Variants in RNF144A observed in about 807,000 individuals in gnomAD.
The protein encoded by RNF144A is E3 ubiquitin-protein ligase RNF144A.
Under a neutral mutation model 38.7 loss-of-function variants are expected in RNF144A, and 11 were observed. That is an observed-to-expected ratio of 0.28 (90% confidence interval 0.18 to 0.47). The LOEUF (loss-of-function observed/expected upper bound fraction) is 0.47, where lower values mean the gene tolerates loss of function less well. RNF144A is among the 20% of genes least tolerant of loss of function. The pLI is 0.99. For synonymous variants in RNF144A, 149 were observed against 143.9 expected (o/e 1.04, Z -0.25); for missense variants, 316 against 377.2 (o/e 0.84, Z 1.34).
intron 2 of RNF144A, among the ~76,000 whole-genome samples, chr2:6,969,863 A>G (rs1485496802): frequency 2.6e-5 from 4 of 152,110 alleles, no homozygotes; most frequent in African/African-American, 7.2e-5. Context: ...CCGGGTTCAC[A>G]TCATTCTCCT....
At chr2:7,058,049 C>T (rs913470948) in intron 6 of RNF144A, among the ~76,000 whole-genome samples, 2 of 152,110 alleles carry the variant, frequency 1.3e-5, no homozygotes, top group Non-Finnish European at 1.5e-5. Context: ...ATCCTCACAA[C>T]ATGAAAGAGG....
chr2:6,935,762 T>C (rs1365076655), intron 1 of RNF144A, among the ~76,000 whole-genome samples: 1 of 152,108 alleles, frequency 6.6e-6, no homozygotes, highest in Non-Finnish European at 1.5e-5. Context: ...AGCATGTAGA[T>C]GGGATGGCCT....
chr2:7,066,511 T>C (rs553076672), intron 6 of RNF144A, among the ~76,000 whole-genome samples: 12 of 152,374 alleles, frequency 7.9e-5, no homozygotes, highest in African/African-American at 2.6e-4. Flanking sequence ...TAGAAAACTA[T>C]TAGTAAACAT....
rs1673069747 is a variant in RNF144A, at chr2:7,041,942, C to G, written c.*2182C>G. 2 of 985,280 alleles carry G rather than the reference C, an allele frequency of 2.0e-6. No individual in the cohort carries two copies. The highest frequency in any genetic ancestry group is 2.4e-6 in the Non-Finnish European group (2 of 829,946). 61.0% of individuals were successfully genotyped at this position (985,280 alleles called of 1,614,324 possible). A position where few individuals can be genotyped will look rare whatever the true frequency, so the allele number is the denominator to read the frequency against. ...TGGCCCAGTCATGCACATCTGTAGCCCCAGCCATCCTTGTGCCTTCACCTC... is the reference window on the plus strand; with the variant it reads ...TGGCCCAGTCATGCACATCTGTAGCGCCAGCCATCCTTGTGCCTTCACCTC... On this transcript the variant is annotated 3_prime_UTR_variant, in exon 9 of 9. Coordinates refer to ENST00000320892, the MANE Select transcript of RNF144A (RefSeq NM_014746.6).
At chr2:7,054,784 C>T (rs2103475549) in intron 6 of RNF144A, among the ~76,000 whole-genome samples, 1 of 152,300 alleles carries the variant, frequency 6.6e-6, no homozygotes, top group African/African-American at 2.4e-5. Context: ...TTCCCAGCCT[C>T]CAGAAATAAA....
intron 7 of RNF144A, among the ~76,000 whole-genome samples, chr2:7,024,718 A>G (rs1671765815): frequency 6.6e-6 from 1 of 152,366 alleles, no homozygotes; most frequent in East Asian, 1.9e-4. Flanking sequence ...TGTGACTCGT[A>G]TAGTCCTGGG....
intron 3 of RNF144A, among the ~76,000 whole-genome samples, chr2:7,003,085 A>G (rs762569340): frequency 4.6e-5 from 7 of 152,230 alleles, no homozygotes; most frequent in Non-Finnish European, 1.0e-4. Context: ...TGTACTATGT[A>G]TATATTTGTA....
intron 1 of RNF144A, among the ~76,000 whole-genome samples, chr2:6,926,927 A>T (rs776550864): frequency 2.0e-5 from 3 of 152,248 alleles, no homozygotes; most frequent in Middle Eastern, 3.4e-3. Context: ...AGAGGAAGGG[A>T]TGGGGCAGAG....
rs1671746994 is a variant in RNF144A at position 7,024,486 on chromosome 2, C to T, written c.627C>T (p.Ala209=). Residue 209 remains alanine (A), a synonymous_variant, in exon 7 of 9, where the codon GCC becomes GCT. Coordinates refer to ENST00000320892, the MANE Select transcript of RNF144A (RefSeq NM_014746.6). ...AQMMCKNCKH[A]FCWYCLESLD... ...TGATGTGCAAGAACTGCAAGCACGC[C>T]TTCTGCTGGTACTGCCTGGAGTCTC... The T allele has an allele frequency of 6.2e-7, 1 of 1,611,536 alleles. No homozygotes were observed.
intron 3 of RNF144A, among the ~76,000 whole-genome samples, chr2:7,013,973 T>C (rs1230090451): frequency 6.6e-6 from 1 of 152,224 alleles, no homozygotes; most frequent in African/African-American, 2.4e-5. Context: ...ACTATTTGTG[T>C]AAGTTGGCAA....
At chr2:6,949,777 T>G (rs1666561582) in intron 2 of RNF144A, among the ~76,000 whole-genome samples, 1 of 152,228 alleles carries the variant, frequency 6.6e-6, no homozygotes, top group Admixed American at 6.5e-5. Context: ...ACTTTTGTAT[T>G]TGAGTTCTAA....
chr2:7,026,300 A>G (rs886642000), intron 7 of RNF144A, among the ~76,000 whole-genome samples: 5 of 152,206 alleles, frequency 3.3e-5, no homozygotes, highest in African/African-American at 1.2e-4. Flanking sequence ...AGCTGACAAC[A>G]TCTGGGTAAA....
intron 6 of RNF144A, among the ~76,000 whole-genome samples, chr2:7,061,998 C>T (rs1248720548): frequency 6.6e-6 from 1 of 152,106 alleles, no homozygotes; most frequent in Non-Finnish European, 1.5e-5. Context: ...AAACACTGAG[C>T]ATTTGTTATT....
rs78645031 is a variant in RNF144A at position 6,940,020 on chromosome 2, C to T, written c.-211-928C>T. On this transcript the variant is annotated intron_variant, in intron 1 of 8. Transcript: ENST00000320892. ...CCAAGTTTTTTTTCTTTTCTAGGTT[C>T]TTTTAGCTACTAAGAGTCTCTTGGA... is the stretch of plus-strand genomic sequence containing the variant. Among the ~76,000 whole-genome samples, 1,194 of 152,076 alleles carry T rather than the reference C, an allele frequency of 7.9e-3. 14 individuals are homozygous for T. The highest frequency in any genetic ancestry group is 0.027 in the African/African-American group (1,136 of 41,510).
chr2:7,003,380 G>A (rs750476254), intron 3 of RNF144A, among the ~76,000 whole-genome samples: 4 of 152,060 alleles, frequency 2.6e-5, no homozygotes, highest in Admixed American at 6.5e-5. Flanking sequence ...CATGGTAAGC[G>A]CCCTGTATAA....
intron 2 of RNF144A, among the ~76,000 whole-genome samples, chr2:6,995,842 A>G (rs2103389133): frequency 6.6e-6 from 1 of 152,320 alleles, no homozygotes; most frequent in Non-Finnish European, 1.5e-5. Context: ...TGCATCCTTC[A>G]ATCCAATCAA....
At chr2:6,979,072 C>A (rs991311042) in intron 2 of RNF144A, among the ~76,000 whole-genome samples, 1 of 152,140 alleles carries the variant, frequency 6.6e-6, no homozygotes, top group Non-Finnish European at 1.5e-5. Context: ...TTGTGTGTTT[C>A]CTGAGTGCCT....
chr2:6,966,627 C>T (rs2103339047), intron 2 of RNF144A, among the ~76,000 whole-genome samples: 2 of 152,316 alleles, frequency 1.3e-5, no homozygotes, highest in Non-Finnish European at 2.9e-5. Flanking sequence ...GTTCCTTTTC[C>T]ATGACAACCT....
intron 6 of RNF144A, among the ~76,000 whole-genome samples, chr2:7,060,916 C>T (rs369260062): frequency 2.0e-5 from 3 of 152,238 alleles, no homozygotes; most frequent in Middle Eastern, 3.4e-3. Flanking sequence ...TCCTTTTTGG[C>T]ATGTAGTTTC....
Sources: allele counts gnomAD v4.1 joint callset (sites outside exome capture counted in the v4.1 genomes callset), GRCh38; gene constraint gnomAD v4.1.1; transcripts MANE v1.5; gene names NCBI Gene and HGNC (gene_info 2026-07-23, HGNC 2026-07-21).